The following GARS1 variants were observed in gnomAD, a reference collection of about 807,000 sequenced individuals.
GARS1 encodes the protein glycine--tRNA ligase.
In GARS1, 46 loss-of-function variants were observed where a neutral mutation model predicts 86.4. That is an observed-to-expected ratio of 0.53 (90% CI 0.42 to 0.68). The LOEUF (loss-of-function observed/expected upper bound fraction) is 0.68, where lower values mean the gene tolerates loss of function less well. GARS1 is among the 30% of genes least tolerant of loss of function. The pLI is 0.00. For missense variants in GARS1, 797 were observed against 915.6 expected, an observed-to-expected ratio of 0.87 and a Z score of 1.67; for synonymous variants, 342 against 329.8, an observed-to-expected ratio of 1.04 and a Z score of -0.40.
At chr7:30,612,869 T>G (rs1036467710) in intron 8 of GARS1, among the ~76,000 whole-genome samples, 1 of 152,344 alleles carries the variant, frequency 6.6e-6, no homozygotes, top group Admixed American at 6.5e-5. Flanking sequence ...GCTGGTGAGT[T>G]CTATATTTCT....
chr7:30,601,423 T>C (rs938873078), intron 4 of GARS1, among the ~76,000 whole-genome samples: 2 of 152,218 alleles, frequency 1.3e-5, no homozygotes. Flanking sequence ...TACGTCCCTA[T>C]GTATTTCAGT....
intron 13 of GARS1, among the ~76,000 whole-genome samples, chr7:30,626,606 G>A (rs1216992784): frequency 1.3e-5 from 2 of 152,164 alleles, no homozygotes; most frequent in African/African-American, 2.4e-5. Context: ...CTGCCTTCGC[G>A]TCCCAAAGTG....
In GARS1 at chr7:30,633,807, T is replaced by A; in HGVS notation, c.2167T>A (p.Tyr723Asn). 6.2e-7 allele frequency: 1 copy of A among 1,613,922 alleles called. No homozygotes were observed. Among genetic ancestry groups the A allele is most frequent in the Non-Finnish European group, 8.5e-7 (1 of 1,179,984 alleles). Residue 723 changes from tyrosine to asparagine, a missense_variant, in exon 17 of 17, where the codon TAT becomes AAT. By Grantham distance (143) the Tyr-to-Asn change is moderately radical. This residue lies in a region of GARS1 where 598 missense variants were observed against 738.7 expected (regional missense o/e 0.81). Coordinates refer to ENST00000389266, the MANE Select transcript of GARS1 (RefSeq NM_002047.4). ...NITWADVEAR[Y>N]PLFEGQETGK... ...CACATGGGCTGATGTGGAGGCCAGG[T>A]ATCCTCTGTTTGAAGGGCAAGAGAC...
At chr7:30,621,610 A>T (rs993555838) in intron 11 of GARS1, 110 bp downstream of exon 11, 1 of 831,152 alleles carries the variant, frequency 1.2e-6, no homozygotes, top group Non-Finnish European at 2.1e-6. Context: ...TGTTTTAGAC[A>T]CTGTAGTAAC....
intron 6 of GARS1, among the ~76,000 whole-genome samples, chr7:30,605,964 A>G (rs1791475398): frequency 6.6e-6 from 1 of 152,116 alleles, no homozygotes. Flanking sequence ...ATCTCTTCCA[A>G]TCTGTATGGC....
At chr7:30,599,583 A>T (rs1358399486) in intron 2 of GARS1, among the ~76,000 whole-genome samples, 1 of 152,066 alleles carries the variant, frequency 6.6e-6, no homozygotes, top group Non-Finnish European at 1.5e-5. Context: ...TTGTATTTTT[A>T]GTAGAGACAG....
At chr7:30,594,741 G>A (rs1038333196), upstream of GARS1, 2 of 602,898 alleles carry the variant, frequency 3.3e-6, no homozygotes, top group South Asian at 2.0e-5. Context: ...AACCTTCGGC[G>A]GGGTCCTTCC....
rs183763845 is a variant in GARS1, at chr7:30,632,714, G to A, written c.2094+277G>A. On this transcript the variant is annotated intron_variant, in intron 16 of 16. Coordinates refer to ENST00000389266, the MANE Select transcript of GARS1 (RefSeq NM_002047.4). The surrounding 1 kb of genome is among the most constrained non-coding windows in gnomAD (Gnocchi z 4.1). ...ATACTTGTTTGTTTATTGGGCAAGA[G>A]AAATATGATCCTAAGAATTTGTTGC... Among the ~76,000 whole-genome samples the A allele has an allele frequency of 0.016, 2,454 of 152,292 alleles. 56 individuals carry two copies. The highest frequency in any genetic ancestry group is 0.056 in the African/African-American group (2,342 of 41,536).
At chr7:30,594,780 C>G, upstream of GARS1, 2 of 705,578 alleles carry the variant, frequency 2.8e-6, no homozygotes, top group East Asian at 2.9e-5. Flanking sequence ...GCGGCGGCGA[C>G]CCGGCGCCGC....
intron 14 of GARS1, among the ~76,000 whole-genome samples, chr7:30,630,515 G>A (rs1328945157): frequency 3.5e-5 from 5 of 141,230 alleles, no homozygotes; most frequent in Admixed American, 2.1e-4. Flanking sequence ...TTTTATTTTC[G>A]CCTTTTTTTT....
At chr7:30,608,191 A>G (rs756672295) in intron 6 of GARS1, among the ~76,000 whole-genome samples, 4 of 152,176 alleles carry the variant, frequency 2.6e-5, no homozygotes, top group Non-Finnish European at 5.9e-5. Flanking sequence ...TGTCTTTGGG[A>G]TAGATGCCTA....
rs1791207802 is a variant in GARS1 at position 30,594,926 on chromosome 7, C to T, written c.5C>T (p.Pro2Leu). 6.3e-7 allele frequency: 1 copy of T among 1,586,764 alleles called. No individual in the cohort carries two copies. The highest frequency in any genetic ancestry group is 8.5e-7 in the Non-Finnish European group (1 of 1,173,948). Residue 2 changes from proline to leucine, a missense_variant, in exon 1 of 17, where the codon CCC becomes CTC. By Grantham distance (98) the Pro-to-Leu change is moderately conservative (BLOSUM62 -3). Coordinates refer to ENST00000389266, the MANE Select transcript of GARS1 (RefSeq NM_002047.4). M[P>L]SPRPVLLRGA... Reference sequence around the variant, plus strand: ...ACAGCCCAGGGCCGCAGGCTCATGCCCTCTCCGCGTCCAGTGCTGCTTAGA... The same window carrying T: ...ACAGCCCAGGGCCGCAGGCTCATGCTCTCTCCGCGTCCAGTGCTGCTTAGA...
chr7:30,603,389 T>C (rs1228545846), intron 5 of GARS1, 107 bp from the exon 6 acceptor site: 3 of 923,588 alleles, frequency 3.2e-6, no homozygotes, highest in Non-Finnish European at 5.2e-6. Context: ...TTCATGTAAA[T>C]TAAGAACTTT....
At chr7:30,633,441 T>C (rs374294994) in intron 16 of GARS1, among the ~76,000 whole-genome samples, 5 of 152,246 alleles carry the variant, frequency 3.3e-5, no homozygotes, top group South Asian at 4.1e-4. Context: ...GCCAGTCTTA[T>C]GTAATTCCCT....
At chr7:30,617,498 T>C (rs549148373) in intron 10 of GARS1, among the ~76,000 whole-genome samples, 1 of 152,188 alleles carries the variant, frequency 6.6e-6, no homozygotes, top group Non-Finnish European at 1.5e-5. Context: ...AGTTAGTGTA[T>C]GATGGGACAG....
chr7:30,611,528 A>G (rs1791597644), intron 7 of GARS1, among the ~76,000 whole-genome samples: 1 of 152,210 alleles, frequency 6.6e-6, no homozygotes, highest in Admixed American at 6.5e-5. Context: ...CTTGTTGCCC[A>G]GGCTGGAGTG....
chr7:30,626,941 A>G (rs1226153424), intron 13 of GARS1: 2 of 370,974 alleles, frequency 5.4e-6, no homozygotes, highest in Non-Finnish European at 1.1e-5. Context: ...AGATCACGCC[A>G]TTGCACTCCA....
chr7:30,599,556 C>T (rs1194351467), intron 2 of GARS1, among the ~76,000 whole-genome samples: 4 of 152,174 alleles, frequency 2.6e-5, no homozygotes, highest in African/African-American at 4.8e-5. Context: ...GTGCCCACCA[C>T]CAAGCCCAGC....
At chr7:30,610,226 T>C (rs1791570629) in intron 7 of GARS1, among the ~76,000 whole-genome samples, 1 of 152,234 alleles carries the variant, frequency 6.6e-6, no homozygotes, top group African/African-American at 2.4e-5. Flanking sequence ...ATTTATTTCA[T>C]CTTAATTGAA....
Sources: gnomAD v4.1 joint callset for allele counts (sites outside exome capture counted in the v4.1 genomes callset) on GRCh38, gnomAD v4.1.1 for gene constraint, gnomAD v4.1.1 regional missense constraint, Gnocchi (gnomAD v3.1) non-coding constraint, MANE v1.5 for transcripts, NCBI Gene and HGNC (gene_info 2026-07-23, HGNC 2026-07-21) for gene names.